HSP90AA1: variants seen among roughly 807,000 people sequenced by gnomAD.
HSP90AA1 encodes the protein heat shock protein 90 alpha family class A member 1.
A neutral mutation model predicts 73.3 loss-of-function variants in HSP90AA1; 18 were observed. The observed-to-expected ratio is 0.25, with a 90% CI of 0.17 to 0.36. HSP90AA1 has a LOEUF of 0.36. Among genes scored for constraint, HSP90AA1 ranks in the 10% least tolerant of loss-of-function variants. The pLI is 1.00. For missense variants in HSP90AA1, 704 were observed against 874.2 expected (o/e 0.81, Z 2.45); for synonymous variants, 477 against 296.9 (o/e 1.61, Z -6.24).
At chr14:102,115,934 CTTAAGT>C (rs2049700301) in intron 1 of HSP90AA1, among the ~76,000 whole-genome samples, 1 of 151,376 alleles carries the variant, frequency 6.6e-6, no homozygotes, top group African/African-American at 2.4e-5. Context: ...TTGTATTTTT[CTTAAGT>C]TTAAGACCGA....
At chr14:102,130,572 A>T (rs1276462902) in intron 1 of HSP90AA1, among the ~76,000 whole-genome samples, 1 of 152,114 alleles carries the variant, frequency 6.6e-6, no homozygotes, top group Non-Finnish European at 1.5e-5. Context: ...CTCCCTGGCC[A>T]TTTGTGTAAC....
Position 102,087,004 on chromosome 14 carries a change from C to G in HSP90AA1, c.-19G>C, listed in dbSNP as rs1176463045. ...CCGTCACCTTGGCTAAGTGACCGCA[C>G]AGGACCAACGGCACAGCCACACCGG... On this transcript the variant is annotated 5_prime_UTR_variant, in exon 1 of 11. Coordinates refer to ENST00000216281, the MANE Select transcript of HSP90AA1 (RefSeq NM_005348.4). The G allele has an allele frequency of 1.0e-6, 1 of 985,414 alleles. No individual in the cohort carries two copies. The highest frequency in any genetic ancestry group is 1.2e-6 in the Non-Finnish European group (1 of 830,146). The allele number at this position is 985,414 out of a possible 1,614,324, so 61.0% of individuals were successfully genotyped here.
At chr14:102,116,370 A>T (rs1230214691) in intron 1 of HSP90AA1, among the ~76,000 whole-genome samples, 1 of 152,050 alleles carries the variant, frequency 6.6e-6, no homozygotes, top group Non-Finnish European at 1.5e-5. Flanking sequence ...GGAGTCCTTT[A>T]TTCTTTTTCC....
intron 4 of HSP90AA1, 57 bp from the exon 5 acceptor site, chr14:102,085,055 G>T: frequency 1.2e-6 from 2 of 1,612,536 alleles, no homozygotes; most frequent in South Asian, 2.2e-5. Context: ...AAGCGACAGC[G>T]CTGCACCACT....
rs561432360 is a variant in HSP90AA1, at chr14:102,135,657, G to A, written c.155+3593C>T. ...GCTGCAGGTCCCGGAGCCCTGCCCCGCGGGAAGGCAGCTAAGGCCCGGCGA... is the reference window on the plus strand; with the variant it reads ...GCTGCAGGTCCCGGAGCCCTGCCCCACGGGAAGGCAGCTAAGGCCCGGCGA... On this transcript the variant is annotated intron_variant, in intron 1 of 11. Coordinates refer to the HSP90AA1 transcript ENST00000334701. Among the ~76,000 whole-genome samples, 2 of 152,394 alleles carry A rather than the reference G, an allele frequency of 1.3e-5. 1 individual carries two copies. The highest frequency in any genetic ancestry group is 4.1e-4 in the South Asian group (2 of 4,834).
In HSP90AA1 at chr14:102,130,557, A is replaced by G. The variant is rs558152298; in HGVS notation, c.155+8693T>C. 7.9e-5 allele frequency among the ~76,000 whole-genome samples: 12 copies of G among 152,166 alleles called. No individual in the cohort carries two copies. The South Asian group carries it at 2.1e-3, about 26-fold the overall frequency. On this transcript the variant is annotated intron_variant, in intron 1 of 11. Coordinates refer to the HSP90AA1 transcript ENST00000334701. Reference sequence around the variant, plus strand: ...GGCTAATAATGTTGTGAATCTTTTCACGTGCTCCCTGGCCATTTGTGTAAC... The same window carrying G: ...GGCTAATAATGTTGTGAATCTTTTCGCGTGCTCCCTGGCCATTTGTGTAAC...
chr14:102,081,473 G>A lies in HSP90AA1; in HGVS notation c.*239C>T, dbSNP rs567256737. 264 of 577,466 alleles carry A rather than the reference G, an allele frequency of 4.6e-4. 3 individuals carry two copies. In the South Asian group the frequency reaches 5.1e-3, roughly 11 times the overall value. The allele number at this position is 577,466 out of a possible 1,614,324, so 35.8% of individuals were successfully genotyped here. On this transcript the variant is annotated 3_prime_UTR_variant, in exon 11 of 11. Transcript: ENST00000216281. The stretch of plus-strand genomic sequence containing the variant: ...ATGTTACATACGTCTTACAGTGCAC[G>A]TTACCCCAATCTGTGAAAATAAACC...
chr14:102,123,534 T>C (rs202144334), intron 1 of HSP90AA1, among the ~76,000 whole-genome samples: 1 of 136,298 alleles, frequency 7.3e-6, no homozygotes, highest in East Asian at 2.2e-4. Context: ...TAAAACCTTG[T>C]GGTTTTTTTT....
At chr14:102,084,126 G>A in intron 6 of HSP90AA1, 143 bp from the exon 7 acceptor site, 1 of 780,208 alleles carries the variant, frequency 1.3e-6, no homozygotes, top group Non-Finnish European at 2.2e-6. Flanking sequence ...CTGGAGGGCA[G>A]TGGCGCAATC....
upstream of HSP90AA1, chr14:102,139,703 G>C (rs1402954786): frequency 2.8e-6 from 2 of 702,672 alleles, no homozygotes; most frequent in Non-Finnish European, 4.6e-6. Flanking sequence ...GGAGCCTGCG[G>C]ACGCCCAGTC....
At chr14:102,130,276 T>G (rs1231544175) in intron 1 of HSP90AA1, among the ~76,000 whole-genome samples, 1 of 152,096 alleles carries the variant, frequency 6.6e-6, no homozygotes, top group Non-Finnish European at 1.5e-5. Flanking sequence ...GCCGTGTGAA[T>G]ATGTTTTGAT....
intron 1 of HSP90AA1, among the ~76,000 whole-genome samples, chr14:102,125,783 G>A (rs1446344005): frequency 6.6e-6 from 1 of 152,144 alleles, no homozygotes; most frequent in African/African-American, 2.4e-5. Flanking sequence ...ATAAAGTTAA[G>A]TATTAACATA....
intron 1 of HSP90AA1, among the ~76,000 whole-genome samples, chr14:102,136,077 T>C (rs2049990170): frequency 6.6e-6 from 1 of 152,216 alleles, no homozygotes; most frequent in African/African-American, 2.4e-5. Flanking sequence ...AACCTCTCAG[T>C]ATGACTTAAA....
chr14:102,101,052 T>A (rs1178655705), intron 2 of HSP90AA1, among the ~76,000 whole-genome samples: 1 of 152,216 alleles, frequency 6.6e-6, no homozygotes, highest in Non-Finnish European at 1.5e-5. Context: ...CTGGGGGCTG[T>A]GGCTCCAGAG....
At chr14:102,136,496 G>A (rs1396734367) in intron 1 of HSP90AA1, among the ~76,000 whole-genome samples, 1 of 142,738 alleles carries the variant, frequency 7.0e-6, no homozygotes. Flanking sequence ...TTGAACCCGG[G>A]AGGCAGAGGT....
intron 2 of HSP90AA1, among the ~76,000 whole-genome samples, chr14:102,093,214 A>AT: frequency 6.7e-6 from 1 of 148,860 alleles, no homozygotes; most frequent in African/African-American, 2.4e-5. Context: ...ATATATATAT[A>AT]TTTAAAAAAA....
chr14:102,082,725 A>G, intron 9 of HSP90AA1: 2 of 506,734 alleles, frequency 3.9e-6, no homozygotes, highest in Non-Finnish European at 7.1e-6. Context: ...GGTTCAGGCG[A>G]TTCTCCTGCC....
chr14:102,081,616 TTTAATA>T lies in HSP90AA1; in HGVS notation c.*90_*95del. 7.9e-6 allele frequency: 6 copies of T among 758,056 alleles called. No individual in the cohort carries two copies. The highest frequency in any genetic ancestry group is 1.5e-5 in the Non-Finnish European group (6 of 410,992). The allele number at this position is 758,056 out of a possible 1,614,324, so 47.0% of individuals were successfully genotyped here. A position where few individuals can be genotyped will look rare whatever the true frequency, so the allele number is the denominator to read the frequency against. On this transcript the variant is annotated 3_prime_UTR_variant, in exon 11 of 11. Transcript: ENST00000216281. The stretch of plus-strand genomic sequence containing the variant: ...AGTAGTTGTCATGCCATACAGACTT[TTTAATA>T]TTAACAAAAATAAAGAAAAACATCC...
chr14:102,117,112 T>C (rs574106409), intron 1 of HSP90AA1, among the ~76,000 whole-genome samples: 20 of 152,204 alleles, frequency 1.3e-4, no homozygotes, highest in African/African-American at 4.8e-4. Context: ...TTTGGACTTT[T>C]GGTAATGAGG....
Sources: gnomAD v4.1 joint callset for allele counts (sites outside exome capture counted in the v4.1 genomes callset) on GRCh38, gnomAD v4.1.1 for gene constraint, MANE v1.5 for transcripts, NCBI Gene and HGNC (gene_info 2026-07-23, HGNC 2026-07-21) for gene names.